The following CSPG5 variants were observed in gnomAD, a reference collection of about 807,000 sequenced individuals.
The protein encoded by CSPG5 is acidic leucine-rich EGF-like domain-containing brain protein.
CSPG5 carries 25 observed loss-of-function variants against 39.8 expected under a neutral mutation model. That is an observed-to-expected ratio of 0.63 (90% CI 0.46 to 0.88). The LOEUF is 0.88. CSPG5 is among the 40% of genes least tolerant of loss of function. The pLI is 0.00. For missense variants in CSPG5, 627 were observed against 702.2 expected, an observed-to-expected ratio of 0.89 and a Z score of 1.21; for synonymous variants, 295 against 303.9, an observed-to-expected ratio of 0.97 and a Z score of 0.31.
chr3:47,570,190 C>T (rs895895006), intron 3 of CSPG5, among the ~76,000 whole-genome samples: 1 of 151,966 alleles, frequency 6.6e-6, no homozygotes, highest in Non-Finnish European at 1.5e-5. Flanking sequence ...ATCAACCCGT[C>T]ATCTAGGTTT....
upstream of CSPG5, chr3:47,579,468 C>T (rs2031914180): frequency 6.6e-6 from 1 of 152,358 alleles, no homozygotes; most frequent in South Asian, 2.1e-4. This position sits in a 1 kb window ranked among gnomAD's most constrained non-coding sequence, Gnocchi z 4.2. Flanking sequence ...CAGATCTAAT[C>T]CGTTCGCAGC....
Position 47,577,099 on chromosome 3 carries a change from C to G in CSPG5, c.927G>C (p.Leu309=). The G allele has an allele frequency of 6.2e-7, 1 of 1,613,918 alleles. No individual in the cohort carries two copies. The highest frequency in any genetic ancestry group is 8.5e-7 in the Non-Finnish European group (1 of 1,180,048). ...ELLVPTGKPG[L]GPGTGQPTSR... ...TGGTGGGCTGGCCTGTCCCGGGCCC[C>G]AGACCAGGCTTCCCAGTGGGCACTA... Residue 309 remains leucine, a synonymous_variant, in exon 2 of 5, where the codon CTG becomes CTC. Transcript: ENST00000264723. This position sits in a 1 kb window ranked among gnomAD's most constrained non-coding sequence, Gnocchi z 4.7.
At position 47,577,956 on chromosome 3, in the gene CSPG5, C is replaced by A; in HGVS notation, c.98-28G>T. The A allele has an allele frequency of 1.4e-6, 2 of 1,388,152 alleles. No individual in the cohort carries two copies. The highest frequency in any genetic ancestry group is 1.8e-6 in the Non-Finnish European group (2 of 1,081,666). 86.0% of individuals were successfully genotyped at this position (1,388,152 alleles called of 1,614,324 possible). A position where few individuals can be genotyped will look rare whatever the true frequency, so the allele number is the denominator to read the frequency against. ...GCGGGCGGGAGGGCAAGGGGCGGGA[C>A]GTCAGGGCGGCGCGCTGAGGAGCCC... On this transcript the variant is annotated intron_variant, in intron 1 of 4. Coordinates refer to ENST00000264723, the MANE Select transcript of CSPG5 (RefSeq NM_006574.4). This position sits in a 1 kb window ranked among gnomAD's most constrained non-coding sequence, Gnocchi z 4.7.
Position 47,572,558 on chromosome 3 carries a change from G to A in CSPG5, c.1382+128C>T, listed in dbSNP as rs1000215023. 9.0e-6 allele frequency: 7 copies of A among 780,910 alleles called. No homozygotes were observed. The highest frequency in any genetic ancestry group is 2.8e-4 in the Middle Eastern group (1 of 3,524). 48.4% of individuals were successfully genotyped at this position (780,910 alleles called of 1,614,324 possible). A position where few individuals can be genotyped will look rare whatever the true frequency, so the allele number is the denominator to read the frequency against. ...GTGAATTTTTAGCACAGACAAAACA[G>A]CTGGGAATGGAGCACAGGTGCCAGA... is the stretch of plus-strand genomic sequence containing the variant. On this transcript the variant is annotated intron_variant, in intron 3 of 4. Transcript: ENST00000264723. The surrounding 1 kb of genome is among the most constrained non-coding windows in gnomAD (Gnocchi z 4.5).
Position 47,572,659 on chromosome 3 carries a change from G to C in CSPG5, c.1382+27C>G, listed in dbSNP as rs2031565915. Reference sequence around the variant, plus strand: ...GGGGGCCTCCCACACCCTGACCTGGGTGGATGGGTGAGTGACACAGACTCA... The same window carrying C: ...GGGGGCCTCCCACACCCTGACCTGGCTGGATGGGTGAGTGACACAGACTCA... On this transcript the variant is annotated intron_variant, in intron 3 of 4. Transcript: ENST00000264723. This position sits in a 1 kb window ranked among gnomAD's most constrained non-coding sequence, Gnocchi z 4.5. 2.5e-6 allele frequency: 4 copies of C among 1,601,722 alleles called. No individual in the cohort carries two copies. Among genetic ancestry groups the C allele is most frequent in the South Asian group, 1.1e-5 (1 of 90,668 alleles).
At chr3:47,579,014 G>T, upstream of CSPG5, 1 of 154,158 alleles carries the variant, frequency 6.5e-6, no homozygotes, top group South Asian at 1.9e-4. This position sits in a 1 kb window ranked among gnomAD's most constrained non-coding sequence, Gnocchi z 4.2. Flanking sequence ...GGGACTAGGA[G>T]ACACACGGAC....
At chr3:47,574,371 AGAT>A (rs1301704315) in intron 2 of CSPG5, among the ~76,000 whole-genome samples, 4 of 152,208 alleles carry the variant, frequency 2.6e-5, no homozygotes, top group Non-Finnish European at 1.5e-5. Flanking sequence ...ATAGGATGAA[AGAT>A]GATGATTTTG....
intron 4 of CSPG5, among the ~76,000 whole-genome samples, chr3:47,563,630 C>T (rs1223815482): frequency 6.6e-6 from 1 of 151,278 alleles, no homozygotes; most frequent in Non-Finnish European, 1.5e-5. Flanking sequence ...TCTCGGCTCA[C>T]TGCAATCTTG....
Position 47,562,624 on chromosome 3 carries a change from G to A in CSPG5, c.1596C>T (p.Asn532=). 1.2e-6 allele frequency: 2 copies of A among 1,613,676 alleles called. No individual in the cohort carries two copies. Among genetic ancestry groups the A allele is most frequent in the Non-Finnish European group, 1.7e-6 (2 of 1,179,918 alleles). Residue 532 remains asparagine, a synonymous_variant, in exon 5 of 5, where the codon AAC becomes AAT. Coordinates refer to ENST00000264723, the MANE Select transcript of CSPG5 (RefSeq NM_006574.4). The part of the protein sequence containing the change: ...GKGDQADLDV[N]CLQNNLT ...TTTAGGTTAAATTATTCTGAAGACA[G>A]TTCACATCCAAGTCAGCCTGGTCAC...
In CSPG5 at chr3:47,572,670, A is replaced by G; in HGVS notation, c.1382+16T>C. ...ACACCCTGACCTGGGTGGATGGGTGAGTGACACAGACTCACTTGGTCCTAC... is the reference window on the plus strand; with the variant it reads ...ACACCCTGACCTGGGTGGATGGGTGGGTGACACAGACTCACTTGGTCCTAC... On this transcript the variant is annotated intron_variant, in intron 3 of 4. Coordinates refer to ENST00000264723, the MANE Select transcript of CSPG5 (RefSeq NM_006574.4). This position sits in a 1 kb window ranked among gnomAD's most constrained non-coding sequence, Gnocchi z 4.5. 6.2e-7 allele frequency: 1 copy of G among 1,607,238 alleles called. No individual in the cohort carries two copies. The highest frequency in any genetic ancestry group is 8.5e-7 in the Non-Finnish European group (1 of 1,174,402).
chr3:47,579,595 G>C (rs2031917931), upstream of CSPG5: 1 of 152,304 alleles, frequency 6.6e-6, no homozygotes, highest in Non-Finnish European at 1.5e-5. The surrounding 1 kb of genome is among the most constrained non-coding windows in gnomAD (Gnocchi z 4.2). Flanking sequence ...TCTCCGGGCA[G>C]CCTGGGGAGC....
chr3:47,578,152 G>T lies in CSPG5; in HGVS notation c.98-224C>A. On this transcript the variant is annotated intron_variant, in intron 1 of 4. Coordinates refer to ENST00000264723, the MANE Select transcript of CSPG5 (RefSeq NM_006574.4). The surrounding 1 kb of genome is among the most constrained non-coding windows in gnomAD (Gnocchi z 6.0). ...ATCACACCCCGCCCAACGCCTCGCGGCTCGGCCCCGCCCGACCTGCCCCGC... is the reference window on the plus strand; with the variant it reads ...ATCACACCCCGCCCAACGCCTCGCGTCTCGGCCCCGCCCGACCTGCCCCGC... 3.0e-6 allele frequency: 2 copies of T among 668,634 alleles called. No individual in the cohort carries two copies. Among genetic ancestry groups the T allele is most frequent in the Non-Finnish European group, 4.2e-6 (2 of 472,926 alleles). The allele number at this position is 668,634 out of a possible 1,614,324, so 41.4% of individuals were successfully genotyped here.
intron 3 of CSPG5, 65 bp from the exon 4 acceptor site, chr3:47,569,292 T>G (rs1392800983): frequency 3.3e-6 from 5 of 1,519,574 alleles, no homozygotes; most frequent in Non-Finnish European, 4.5e-6. Context: ...CATGACAATG[T>G]CTCAGCTTCT....
chr3:47,570,814 C>A (rs1396832890), intron 3 of CSPG5, among the ~76,000 whole-genome samples: 1 of 152,158 alleles, frequency 6.6e-6, no homozygotes, highest in Non-Finnish European at 1.5e-5. Flanking sequence ...GTTACCGTGC[C>A]CAGCTGAGCT....
chr3:47,574,317 T>C lies in CSPG5; in HGVS notation c.1194-1443A>G, dbSNP rs981720594. Among the ~76,000 whole-genome samples, 6 of 152,290 alleles carry C rather than the reference T, an allele frequency of 3.9e-5. No homozygotes were observed. The East Asian group carries it at 1.2e-3, about 29-fold the overall frequency. ...GCAGCAAGGGCTCCAAATTTCATAC[T>C]ATTATGGGGAGTTCACTTTGAAGGT... On this transcript the variant is annotated intron_variant, in intron 2 of 4. Transcript: ENST00000264723.
At chr3:47,566,715 A>AGGAGCCAGGAGAGAACC (rs1217129408) in intron 4 of CSPG5, among the ~76,000 whole-genome samples, 1 of 152,238 alleles carries the variant, frequency 6.6e-6, no homozygotes, top group Non-Finnish European at 1.5e-5. Flanking sequence ...AAGATCCAAG[A>AGGAGCCAGGAGAGAACC]GGAGCCAGGA....
chr3:47,577,864 C>A lies in CSPG5; in HGVS notation c.162G>T (p.Pro54=). 1 of 1,528,736 alleles carries A rather than the reference C, an allele frequency of 6.5e-7. No individual in the cohort carries two copies. Among genetic ancestry groups the A allele is most frequent in the Non-Finnish European group, 8.7e-7 (1 of 1,149,952 alleles). The allele number at this position is 1,528,736 out of a possible 1,614,324, so 94.7% of individuals were successfully genotyped here. A position where few individuals can be genotyped will look rare whatever the true frequency, so the allele number is the denominator to read the frequency against. Residue 54 remains proline (P), a synonymous_variant, in exon 2 of 5, where the codon CCG becomes CCT. Transcript: ENST00000264723. The surrounding 1 kb of genome is among the most constrained non-coding windows in gnomAD (Gnocchi z 4.7). The stretch of plus-strand genomic sequence containing the variant: ...CTTCTTCCCGCGTGTCGTTGGCAGG[C>A]GGCTCCCACGCCGGGCTGCCCTTCA... ...ELVKGSPAWE[P]PANDTREEAG...
chr3:47,563,551 ATGTAT>A (rs1159950681), intron 4 of CSPG5, among the ~76,000 whole-genome samples: 3 of 152,002 alleles, frequency 2.0e-5, no homozygotes, highest in African/African-American at 7.3e-5. Flanking sequence ...GTATTTATTG[ATGTAT>A]TTATTTATTT....
chr3:47,562,827 G>T, intron 4 of CSPG5, 66 bp from the exon 5 acceptor site: 2 of 1,433,506 alleles, frequency 1.4e-6, no homozygotes, highest in Non-Finnish European at 9.4e-7. Flanking sequence ...TAATATCAGC[G>T]TTTTCTATCT....
Sources: allele counts gnomAD v4.1 joint callset (sites outside exome capture counted in the v4.1 genomes callset), GRCh38; gene constraint gnomAD v4.1.1; non-coding constraint Gnocchi (gnomAD v3.1); transcripts MANE v1.5; gene names NCBI Gene and HGNC (gene_info 2026-07-23, HGNC 2026-07-21).